The following TLL1 variants were observed in gnomAD, a reference collection of about 807,000 sequenced individuals.
TLL1 encodes the protein tolloid like 1, also known as tolloid-like protein 1.
In TLL1, 49 loss-of-function variants were observed where a neutral mutation model predicts 128.2. That is an observed-to-expected ratio of 0.38 (90% confidence interval 0.30 to 0.48). The LOEUF (loss-of-function observed/expected upper bound fraction) is 0.48. TLL1 is among the 20% of genes least tolerant of loss of function. TLL1 has a pLI of 0.96. For synonymous variants in TLL1, 454 were observed against 418.8 expected (o/e 1.08, Z -1.03); for missense variants, 1,123 against 1,242.0 (o/e 0.90, Z 1.44).
intron 9 of TLL1, among the ~76,000 whole-genome samples, chr4:166,025,723 A>G: frequency 6.6e-6 from 1 of 152,154 alleles, no homozygotes; most frequent in East Asian, 1.9e-4. Flanking sequence ...AAATCCCCAT[A>G]TATTTTAAGA....
At chr4:166,076,791 C>T (rs898384815) in intron 17 of TLL1, among the ~76,000 whole-genome samples, 2 of 152,130 alleles carry the variant, frequency 1.3e-5, no homozygotes, top group African/African-American at 2.4e-5. Flanking sequence ...GATTATTAGA[C>T]AGGAACTGAA....
intron 13 of TLL1, 69 bp from the exon 14 acceptor site, chr4:166,057,087 TCAAGGTGAGATTTGGGTGGGGACACAGC>T: frequency 2.1e-6 from 3 of 1,421,996 alleles, no homozygotes; most frequent in Non-Finnish European, 3.0e-6. Context: ...GAGATATCAT[TCAAGGTGAGATTTGGGTGGGGACACAGC>T]CAAACCATTT....
chr4:166,016,696 A>G (rs1220638822), intron 8 of TLL1, among the ~76,000 whole-genome samples: 1 of 152,054 alleles, frequency 6.6e-6, no homozygotes, highest in East Asian at 1.9e-4. Flanking sequence ...TGATCTGGGA[A>G]AAAGATATTT....
In TLL1 at chr4:166,072,711, A is replaced by T. The variant is rs144306145; in HGVS notation, c.2189-2167A>T. Among the ~76,000 whole-genome samples the T allele has an allele frequency of 4.0e-4, 61 of 152,134 alleles. 1 individual carries two copies. In the East Asian group the frequency reaches 0.011, roughly 27 times the overall value. On this transcript the variant is annotated intron_variant, in intron 16 of 20. Coordinates refer to ENST00000061240, the MANE Select transcript of TLL1 (RefSeq NM_012464.5). ...TTGGAATTATTTTTATTATAAAATG[A>T]CTGGATTTAAACACAGCAATAATGC...
chr4:165,963,538 T>A (rs1174222344), intron 1 of TLL1, among the ~76,000 whole-genome samples: 7 of 152,156 alleles, frequency 4.6e-5, no homozygotes, highest in Non-Finnish European at 8.8e-5. Flanking sequence ...ACAGCTCAGA[T>A]ATGTTGAACT....
chr4:166,091,710 ATG>A (rs1178524075), intron 19 of TLL1, among the ~76,000 whole-genome samples: 1 of 152,092 alleles, frequency 6.6e-6, no homozygotes, highest in Non-Finnish European at 1.5e-5. Context: ...GTTATTAAAA[ATG>A]TGTGTTTTAT....
chr4:165,986,502 G>A (rs531177353), intron 1 of TLL1, among the ~76,000 whole-genome samples: 1 of 152,120 alleles, frequency 6.6e-6, no homozygotes, highest in East Asian at 1.9e-4. Context: ...GGCCGTAAAT[G>A]AATTGGCTTA....
At chr4:166,008,802 CTT>C (rs34689194) in intron 7 of TLL1, among the ~76,000 whole-genome samples, 8 of 142,354 alleles carry the variant, frequency 5.6e-5, no homozygotes, top group South Asian at 2.2e-4. Context: ...CATTTCAACT[CTT>C]TTTTTTTTTT....
At chr4:166,064,917 C>A (rs745984913) in intron 15 of TLL1, among the ~76,000 whole-genome samples, 1 of 152,038 alleles carries the variant, frequency 6.6e-6, no homozygotes, top group Non-Finnish European at 1.5e-5. Context: ...ATTGTTAAAC[C>A]TTGCTAATTA....
chr4:165,934,739 C>G (rs1733690788), intron 1 of TLL1, among the ~76,000 whole-genome samples: 1 of 152,172 alleles, frequency 6.6e-6, no homozygotes. Flanking sequence ...TCCTGGTGGC[C>G]TTTGTGGCTC....
chr4:165,969,585 C>T (rs1180871114), intron 1 of TLL1, among the ~76,000 whole-genome samples: 1 of 152,070 alleles, frequency 6.6e-6, no homozygotes, highest in Non-Finnish European at 1.5e-5. Context: ...TCTTCTCTTT[C>T]TTCAAACCAA....
At chr4:165,998,293 C>G (rs925781215) in intron 5 of TLL1, among the ~76,000 whole-genome samples, 1 of 152,096 alleles carries the variant, frequency 6.6e-6, no homozygotes, top group East Asian at 1.9e-4. Flanking sequence ...CCTTTTATAG[C>G]TAAATAGATT....
intron 1 of TLL1, among the ~76,000 whole-genome samples, chr4:165,986,633 A>C (rs1736404761): frequency 6.6e-6 from 1 of 152,038 alleles, no homozygotes; most frequent in Non-Finnish European, 1.5e-5. Flanking sequence ...GCAATAAATA[A>C]ATGGGCTTAT....
chr4:165,945,128 A>G (rs894368740), intron 1 of TLL1, among the ~76,000 whole-genome samples: 2 of 152,108 alleles, frequency 1.3e-5, no homozygotes, highest in Admixed American at 1.3e-4. Context: ...AGCTGATGAT[A>G]TAGGAGAAAA....
intron 16 of TLL1, among the ~76,000 whole-genome samples, chr4:166,072,054 T>C (rs1376751435): frequency 6.6e-6 from 1 of 151,994 alleles, no homozygotes; most frequent in African/African-American, 2.4e-5. Context: ...CATATGACTA[T>C]TTGACACATG....
At chr4:166,082,942 G>A (rs920636546) in intron 18 of TLL1, among the ~76,000 whole-genome samples, 9 of 152,114 alleles carry the variant, frequency 5.9e-5, no homozygotes, top group African/African-American at 2.2e-4. Flanking sequence ...CTCCCAAAAT[G>A]CTGGGATTAC....
chr4:166,092,761 A>G (rs1741832147), intron 19 of TLL1, among the ~76,000 whole-genome samples: 1 of 152,056 alleles, frequency 6.6e-6, no homozygotes, highest in South Asian at 2.1e-4. Flanking sequence ...ACTTACTTTT[A>G]TACTGTCTCT....
chr4:166,043,374 A>C lies in TLL1; in HGVS notation c.1479A>C (p.Thr493=). The change falls in exon 12 of 21, where the codon ACA becomes ACC. Residue 493 remains threonine (T), a synonymous_variant. Coordinates refer to ENST00000061240, the MANE Select transcript of TLL1 (RefSeq NM_012464.5). ...RPMKECVWKI[T]VSESYHVGLT... Reference sequence around the variant, plus strand: ...TGAAAGAATGTGTGTGGAAAATAACAGTGTCTGAGAGCTACCACGTCGGGC... The same window carrying C: ...TGAAAGAATGTGTGTGGAAAATAACCGTGTCTGAGAGCTACCACGTCGGGC... 6.2e-7 allele frequency: 1 copy of C among 1,614,126 alleles called. No individual in the cohort carries two copies. The highest frequency in any genetic ancestry group is 8.5e-7 in the Non-Finnish European group (1 of 1,179,968).
At chr4:165,929,194 C>CA (rs1165118442) in intron 1 of TLL1, among the ~76,000 whole-genome samples, 1 of 152,176 alleles carries the variant, frequency 6.6e-6, no homozygotes, top group Admixed American at 6.5e-5. Context: ...AAGCCACCAA[C>CA]ACGATTTTCT....
Sources: allele counts gnomAD v4.1 joint callset (sites outside exome capture counted in the v4.1 genomes callset), GRCh38; gene constraint gnomAD v4.1.1; transcripts MANE v1.5; gene names NCBI Gene and HGNC (gene_info 2026-07-23, HGNC 2026-07-21).